RASAL2: variants seen among roughly 807,000 people sequenced by gnomAD.
RASAL2 encodes the protein RAS protein activator like 2.
RASAL2 carries 58 observed loss-of-function variants against 128.9 expected under a neutral mutation model. The ratio of observed to expected loss-of-function variants is 0.45; its 90% CI spans 0.36 to 0.56. The LOEUF is 0.56. RASAL2 is among the 20% of genes least tolerant of loss of function. The pLI is 0.00. For missense variants in RASAL2, 1,360 were observed against 1,601.6 expected (o/e 0.85, Z 2.57); for synonymous variants, 561 against 580.8 (o/e 0.97, Z 0.49).
chr1:178,222,272 A>G (rs572707238), intron 1 of RASAL2, among the ~76,000 whole-genome samples: 1 of 152,236 alleles, frequency 6.6e-6, no homozygotes, highest in East Asian at 1.9e-4. Flanking sequence ...AATATCTACC[A>G]TATTACTTCC....
At chr1:178,444,183 A>G (rs1001941428) in intron 8 of RASAL2, among the ~76,000 whole-genome samples, 4 of 152,156 alleles carry the variant, frequency 2.6e-5, no homozygotes, top group Non-Finnish European at 5.9e-5. Context: ...CAGTTGCTCA[A>G]GGTTCAGAAT....
intron 1 of RASAL2, among the ~76,000 whole-genome samples, chr1:178,231,273 T>C (rs1663999072): frequency 6.6e-6 from 1 of 152,184 alleles, no homozygotes; most frequent in Non-Finnish European, 1.5e-5. Context: ...CATGTCTGAC[T>C]AGATACCTAC....
chr1:178,397,909 C>G (rs1299388547), intron 4 of RASAL2, among the ~76,000 whole-genome samples: 2 of 151,822 alleles, frequency 1.3e-5, no homozygotes, highest in African/African-American at 4.8e-5. Flanking sequence ...AGTCACCATG[C>G]CCAGCAGAGT....
At chr1:178,350,983 C>T (rs1670442277) in intron 3 of RASAL2, among the ~76,000 whole-genome samples, 1 of 152,116 alleles carries the variant, frequency 6.6e-6, no homozygotes, top group Non-Finnish European at 1.5e-5. Flanking sequence ...TCTCAGAGAG[C>T]TTTTATTCAT....
At chr1:178,264,707 T>G (rs1665867243) in intron 1 of RASAL2, among the ~76,000 whole-genome samples, 1 of 152,212 alleles carries the variant, frequency 6.6e-6, no homozygotes, top group African/African-American at 2.4e-5. Context: ...CATCCTGGCA[T>G]GTGGATGTAT....
intron 5 of RASAL2, among the ~76,000 whole-genome samples, chr1:178,430,057 C>A (rs1030999989): frequency 2.0e-5 from 3 of 152,110 alleles, no homozygotes; most frequent in African/African-American, 7.2e-5. Context: ...AGATTGAAAG[C>A]TCCTCCAGGA....
intron 9 of RASAL2, among the ~76,000 whole-genome samples, chr1:178,450,303 C>G (rs1264665674): frequency 6.6e-6 from 1 of 152,058 alleles, no homozygotes; most frequent in African/African-American, 2.4e-5. Context: ...CACTGTTTTA[C>G]AAACAAGACA....
intron 3 of RASAL2, among the ~76,000 whole-genome samples, chr1:178,365,414 C>T (rs1671344278): frequency 6.6e-6 from 1 of 151,222 alleles, no homozygotes; most frequent in Non-Finnish European, 1.5e-5. Flanking sequence ...ATCATGGTAT[C>T]TATCCTCTAG....
At chr1:178,264,307 A>G (rs946008921) in intron 1 of RASAL2, among the ~76,000 whole-genome samples, 1 of 152,220 alleles carries the variant, frequency 6.6e-6, no homozygotes, top group African/African-American at 2.4e-5. Flanking sequence ...ATTTACCATC[A>G]TATTTTAAAT....
intron 3 of RASAL2, among the ~76,000 whole-genome samples, chr1:178,332,652 C>T (rs955918147): frequency 2.0e-5 from 3 of 150,732 alleles, no homozygotes; most frequent in Admixed American, 6.6e-5. Flanking sequence ...CACTCTGCCG[C>T]CCAGGCTGGA....
chr1:178,109,307 G>T (rs894850401), intron 1 of RASAL2, among the ~76,000 whole-genome samples: 1 of 151,660 alleles, frequency 6.6e-6, no homozygotes, highest in African/African-American at 2.4e-5. Flanking sequence ...TTACTGTTTT[G>T]CCCAGGCTGG....
At chr1:178,248,863 G>T in intron 1 of RASAL2, among the ~76,000 whole-genome samples, 1 of 152,066 alleles carries the variant, frequency 6.6e-6, no homozygotes, top group East Asian at 1.9e-4. Context: ...GTTGACTATT[G>T]GCCCCCACTC....
intron 4 of RASAL2, among the ~76,000 whole-genome samples, chr1:178,410,017 G>A (rs1201518759): frequency 1.3e-5 from 2 of 152,030 alleles, no homozygotes; most frequent in Non-Finnish European, 1.5e-5. Context: ...ATTTTGGATA[G>A]CTAATCATTA....
intron 1 of RASAL2, among the ~76,000 whole-genome samples, chr1:178,197,454 GA>G (rs201321395): frequency 1.3e-5 from 2 of 148,272 alleles, no homozygotes; most frequent in South Asian, 2.1e-4. Context: ...ACTCTGTCTC[GA>G]AAAAAAAACC....
At chr1:178,176,632 AAG>A (rs1661902432) in intron 1 of RASAL2, among the ~76,000 whole-genome samples, 1 of 148,414 alleles carries the variant, frequency 6.7e-6, no homozygotes, top group South Asian at 2.1e-4. Context: ...TTTTTTGAGA[AAG>A]AGGGAGAGAG....
intron 4 of RASAL2, chr1:178,411,681 T>C: frequency 1.2e-6 from 1 of 821,556 alleles, no homozygotes; most frequent in South Asian, 1.3e-5. Context: ...GTGACACTTT[T>C]GTCCATGTCA....
intron 1 of RASAL2, among the ~76,000 whole-genome samples, chr1:178,095,767 T>C (rs756254059): frequency 6.6e-6 from 1 of 152,210 alleles, no homozygotes; most frequent in African/African-American, 2.4e-5. Flanking sequence ...GCAAAGATCA[T>C]AGAACTAGGA....
chr1:178,141,886 G>A (rs1428827143), intron 1 of RASAL2, among the ~76,000 whole-genome samples: 1 of 152,106 alleles, frequency 6.6e-6, no homozygotes, highest in East Asian at 1.9e-4. Context: ...TGTAGGTGGT[G>A]AAAGTGGGGT....
chr1:178,138,815 A>G (rs1397228184), intron 1 of RASAL2, among the ~76,000 whole-genome samples: 1 of 152,146 alleles, frequency 6.6e-6, no homozygotes, highest in Non-Finnish European at 1.5e-5. Context: ...TTTTGTGAGT[A>G]TCAAATCAAT....
Sources: gnomAD v4.1 joint callset for allele counts (sites outside exome capture counted in the v4.1 genomes callset) on GRCh38, gnomAD v4.1.1 for gene constraint, MANE v1.5 for transcripts, NCBI Gene and HGNC (gene_info 2026-07-23, HGNC 2026-07-21) for gene names.